Variants in ESR1 observed in about 807,000 individuals in gnomAD.
ESR1 encodes the protein estrogen receptor 1, also known as estrogen receptor.
Under a neutral mutation model 52.7 loss-of-function variants are expected in ESR1, and 12 were observed. The observed-to-expected ratio is 0.23, with a 90% CI of 0.15 to 0.37. ESR1 has a LOEUF of 0.37. ESR1 is among the 10% of genes least tolerant of loss of function. The pLI is 1.00. For synonymous variants in ESR1, 305 were observed against 316.8 expected (o/e 0.96, Z 0.39); for missense variants, 584 against 779.7 (o/e 0.75, Z 2.99).
chr6:152,112,142 G>A (rs1167525987), intron 6 of ESR1, among the ~76,000 whole-genome samples: 1 of 152,094 alleles, frequency 6.6e-6, no homozygotes, highest in African/African-American at 2.4e-5. Flanking sequence ...CAAGAACCTG[G>A]GTCCAGGCAG....
intron 7 of ESR1, among the ~76,000 whole-genome samples, chr6:152,095,414 A>G (rs1231176363): frequency 6.6e-6 from 1 of 152,058 alleles, no homozygotes; most frequent in Admixed American, 6.5e-5. Context: ...AGCTGGGCTC[A>G]CTCACACATC....
chr6:152,077,133 C>T (rs1475374489), intron 6 of ESR1, among the ~76,000 whole-genome samples: 1 of 152,128 alleles, frequency 6.6e-6, no homozygotes, highest in Non-Finnish European at 1.5e-5. Flanking sequence ...GTCCCAGGGT[C>T]CCCATGCTGT....
chr6:152,016,040 T>C (rs974059748), intron 5 of ESR1, among the ~76,000 whole-genome samples: 1 of 152,154 alleles, frequency 6.6e-6, no homozygotes, highest in African/African-American at 2.4e-5. Context: ...AATTGAATCA[T>C]GTGGGTTGTT....
intron 4 of ESR1, among the ~76,000 whole-genome samples, chr6:151,991,088 A>C (rs1232945821): frequency 6.6e-6 from 1 of 152,116 alleles, no homozygotes; most frequent in Non-Finnish European, 1.5e-5. Context: ...AGCTCTGAGG[A>C]GACTGGTGTT....
intron 1 of ESR1, chr6:151,814,087 G>A (rs1009058765): frequency 1.3e-5 from 2 of 152,366 alleles, no homozygotes; most frequent in African/African-American, 4.8e-5. Context: ...TTCCTAAACG[G>A]TGGCAAGTTA....
At chr6:151,892,367 CG>C (rs1377653667) in intron 3 of ESR1, among the ~76,000 whole-genome samples, 2 of 152,112 alleles carry the variant, frequency 1.3e-5, no homozygotes, top group Non-Finnish European at 2.9e-5. Context: ...AGAACAACTG[CG>C]GGCAACTGTA....
intron 2 of ESR1, among the ~76,000 whole-genome samples, chr6:151,849,533 A>C (rs1453020676): frequency 6.6e-6 from 1 of 151,974 alleles, no homozygotes; most frequent in African/African-American, 2.4e-5. Flanking sequence ...AATCCCAGCT[A>C]CTCAGGAGAC....
intron 2 of ESR1, among the ~76,000 whole-genome samples, chr6:151,702,591 C>T (rs1237820409): frequency 6.6e-6 from 1 of 152,152 alleles, no homozygotes; most frequent in African/African-American, 2.4e-5. Flanking sequence ...TTCTAACCTT[C>T]TCAATCATTA....
At chr6:152,034,892 G>A (rs532055353) in intron 5 of ESR1, among the ~76,000 whole-genome samples, 2 of 152,274 alleles carry the variant, frequency 1.3e-5, no homozygotes, top group African/African-American at 4.8e-5. Context: ...AACTTCAAAA[G>A]GATTCTTCTT....
At chr6:151,806,323 C>T (rs1777827294), upstream of ESR1, among the ~76,000 whole-genome samples, 1 of 151,732 alleles carries the variant, frequency 6.6e-6, no homozygotes. Context: ...AAATGTAACT[C>T]TTAGTAACAG....
chr6:151,934,147 A>G (rs2034067283), intron 3 of ESR1, among the ~76,000 whole-genome samples: 1 of 152,168 alleles, frequency 6.6e-6, no homozygotes, highest in East Asian at 1.9e-4. Context: ...GGCTCTTACT[A>G]GAAACCTTTG....
At chr6:152,016,034 GA>G (rs2043143100) in intron 5 of ESR1, among the ~76,000 whole-genome samples, 1 of 152,132 alleles carries the variant, frequency 6.6e-6, no homozygotes, top group African/African-American at 2.4e-5. Context: ...GGAGATAATT[GA>G]ATCATGTGGG....
chr6:151,756,006 C>G (rs1468575153), intron 2 of ESR1, among the ~76,000 whole-genome samples: 2 of 152,172 alleles, frequency 1.3e-5, no homozygotes, highest in African/African-American at 4.8e-5. Flanking sequence ...CCCCTCCTGA[C>G]CTTCTGATGT....
Position 152,100,153 on chromosome 6 carries a change from T to C in ESR1, c.*1187T>C. ...CAGACCCCGCATTGCCCTTTGGGGG[T>C]GCCCTGGGATCCCTGGGGTAGTCCA... On this transcript the variant is annotated 3_prime_UTR_variant, in exon 8 of 8. Coordinates refer to ENST00000206249, the MANE Select transcript of ESR1 (RefSeq NM_000125.4). 1 of 398,428 alleles carries C rather than the reference T, an allele frequency of 2.5e-6. No homozygotes were observed. The highest frequency in any genetic ancestry group is 4.4e-6 in the Non-Finnish European group (1 of 226,102). 24.7% of individuals were successfully genotyped at this position (398,428 alleles called of 1,614,324 possible).
chr6:151,720,688 T>C (rs1781392238), intron 2 of ESR1, among the ~76,000 whole-genome samples: 1 of 152,238 alleles, frequency 6.6e-6, no homozygotes, highest in Admixed American at 6.5e-5. Context: ...CTTGGAGAAG[T>C]GTTACATGAA....
chr6:151,768,554 C>T (rs77821927), intron 2 of ESR1, among the ~76,000 whole-genome samples: 2 of 152,104 alleles, frequency 1.3e-5, no homozygotes, highest in East Asian at 3.9e-4. Flanking sequence ...AATACTGTAC[C>T]TATGTGAATT....
At chr6:151,944,141 A>G (rs752917318) in intron 3 of ESR1, 32 bp from the exon 4 acceptor site, 2 of 1,549,946 alleles carry the variant, frequency 1.3e-6, no homozygotes, top group Non-Finnish European at 8.8e-7. Flanking sequence ...GGAAAAAAAT[A>G]AACTAATTTT....
At chr6:151,724,574 TCACACACACACATA>T (rs1781701477) in intron 2 of ESR1, among the ~76,000 whole-genome samples, 1 of 144,350 alleles carries the variant, frequency 6.9e-6, no homozygotes, top group South Asian at 2.1e-4. Context: ...ACCCAAACAA[TCACACACACACATA>T]CACACACACA....
intron 6 of ESR1, among the ~76,000 whole-genome samples, chr6:152,081,255 C>A (rs2049184286): frequency 6.6e-6 from 1 of 152,074 alleles, no homozygotes; most frequent in African/African-American, 2.4e-5. Flanking sequence ...TGTAAAAGAA[C>A]AGAAGTCACA....
Sources: allele counts gnomAD v4.1 joint callset (sites outside exome capture counted in the v4.1 genomes callset), GRCh38; gene constraint gnomAD v4.1.1; transcripts MANE v1.5; gene names NCBI Gene and HGNC (gene_info 2026-07-23, HGNC 2026-07-21).